Variants in LYPD6 observed in about 807,000 individuals in gnomAD.
The protein encoded by LYPD6 is ly6/PLAUR domain-containing protein 6.
Under a neutral mutation model 22.7 loss-of-function variants are expected in LYPD6, and 15 were observed. The ratio of observed to expected loss-of-function variants is 0.66; its 90% CI spans 0.44 to 1.02. The LOEUF (loss-of-function observed/expected upper bound fraction) is 1.02. Among genes scored for constraint, LYPD6 ranks in the 50% least tolerant of loss-of-function variants. LYPD6 has a pLI of 0.00. For missense variants in LYPD6, 189 were observed against 208.4 expected (o/e 0.91, Z 0.57); for synonymous variants, 72 against 77.5 (o/e 0.93, Z 0.37).
intron 3 of LYPD6, among the ~76,000 whole-genome samples, chr2:149,457,266 G>T (rs1489253696): frequency 1.3e-5 from 2 of 151,396 alleles, no homozygotes; most frequent in African/African-American, 4.9e-5. Context: ...AAATTCAATG[G>T]AAGATATGTT....
intron 1 of LYPD6, among the ~76,000 whole-genome samples, chr2:149,379,798 A>G (rs760309503): frequency 2.0e-5 from 3 of 152,252 alleles, no homozygotes; most frequent in Admixed American, 1.3e-4. Context: ...ACTAAGTGCC[A>G]GGCATCTTCC....
At chr2:149,460,673 C>G (rs1388430230) in intron 3 of LYPD6, among the ~76,000 whole-genome samples, 2 of 152,090 alleles carry the variant, frequency 1.3e-5, no homozygotes, top group African/African-American at 4.8e-5. Flanking sequence ...TCCAGCAACA[C>G]CAGAATATAC....
chr2:149,357,059 G>A (rs879445742), intron 1 of LYPD6, among the ~76,000 whole-genome samples: 2 of 152,128 alleles, frequency 1.3e-5, no homozygotes, highest in Admixed American at 6.5e-5. Context: ...CAAGTTAATG[G>A]TGCTAACTCA....
rs188786624 is a variant in LYPD6 at position 149,412,155 on chromosome 2, G to A, written c.-71-25483G>A. Among the ~76,000 whole-genome samples the A allele has an allele frequency of 5.3e-5, 8 of 152,204 alleles. No individual in the cohort carries two copies. In the East Asian group the frequency reaches 1.5e-3, roughly 29 times the overall value. On this transcript the variant is annotated intron_variant, in intron 1 of 4. Transcript: ENST00000334166. ...TAAAGAGTATATACATTTAAAAAAT[G>A]AATAGGTACTGCCTAGTAACTTTCC... is the stretch of plus-strand genomic sequence containing the variant.
At chr2:149,421,651 T>C (rs910327732) in intron 1 of LYPD6, among the ~76,000 whole-genome samples, 5 of 152,172 alleles carry the variant, frequency 3.3e-5, no homozygotes, top group Non-Finnish European at 5.9e-5. Flanking sequence ...GTTGCTGTTA[T>C]TTTCCATGTA....
intron 1 of LYPD6, among the ~76,000 whole-genome samples, chr2:149,371,073 C>T (rs1252643933): frequency 2.0e-5 from 3 of 152,182 alleles, no homozygotes; most frequent in Non-Finnish European, 2.9e-5. Flanking sequence ...GAGGCTGACT[C>T]TTTTTATAAG....
chr2:149,467,838 A>G (rs953737519), intron 3 of LYPD6, among the ~76,000 whole-genome samples: 3 of 152,008 alleles, frequency 2.0e-5, no homozygotes, highest in Non-Finnish European at 4.4e-5. Context: ...TGACAAAGCC[A>G]TTTTTCTTTA....
intron 1 of LYPD6, among the ~76,000 whole-genome samples, chr2:149,373,733 A>G (rs1681860839): frequency 6.6e-6 from 1 of 152,206 alleles, no homozygotes; most frequent in Non-Finnish European, 1.5e-5. Context: ...GCCACACGGT[A>G]GTGAAACAAA....
intron 2 of LYPD6, among the ~76,000 whole-genome samples, chr2:149,441,115 C>T (rs1253999325): frequency 6.6e-6 from 1 of 152,044 alleles, no homozygotes; most frequent in Non-Finnish European, 1.5e-5. Context: ...GGTTCTATGT[C>T]CTTGAGCACT....
At chr2:149,360,901 C>G (rs1427428862) in intron 1 of LYPD6, among the ~76,000 whole-genome samples, 1 of 152,132 alleles carries the variant, frequency 6.6e-6, no homozygotes, top group African/African-American at 2.4e-5. Context: ...CCTAATTTTT[C>G]AATGTACTTT....
chr2:149,478,377 G>GGTGTGTGTGTGTGTGTGTGTGT (rs55853638), downstream of LYPD6, among the ~76,000 whole-genome samples: 6 of 99,274 alleles, frequency 6.0e-5, no homozygotes, highest in African/African-American at 1.8e-4. Context: ...GGTATATAGA[G>GGTGTGTGTGTGTGTGTGTGTGT]GTGTGTGTGT....
intron 1 of LYPD6, among the ~76,000 whole-genome samples, chr2:149,372,545 A>G (rs775115744): frequency 7.2e-5 from 11 of 152,184 alleles, no homozygotes; most frequent in Non-Finnish European, 1.2e-4. Flanking sequence ...TTAACAAACT[A>G]TTTTGGGAAT....
At chr2:149,412,940 A>G (rs1056631547) in intron 1 of LYPD6, among the ~76,000 whole-genome samples, 1 of 152,156 alleles carries the variant, frequency 6.6e-6, no homozygotes, top group African/African-American at 2.4e-5. Flanking sequence ...TTGAGCCTAG[A>G]AGCCCAGAGC....
chr2:149,334,017 G>A (rs1447417225), intron 1 of LYPD6, among the ~76,000 whole-genome samples: 2 of 151,980 alleles, frequency 1.3e-5, no homozygotes, highest in African/African-American at 2.4e-5. Flanking sequence ...GGAAGCATAC[G>A]AATTACCTTA....
chr2:149,478,246 C>T (rs139880661), downstream of LYPD6, among the ~76,000 whole-genome samples: 3 of 152,162 alleles, frequency 2.0e-5, no homozygotes, highest in African/African-American at 4.8e-5. Flanking sequence ...CCAAGGCAGC[C>T]TACTAGGAAT....
intron 1 of LYPD6, among the ~76,000 whole-genome samples, chr2:149,356,340 G>A (rs1038191427): frequency 3.9e-5 from 6 of 152,146 alleles, no homozygotes; most frequent in African/African-American, 1.4e-4. Flanking sequence ...GGACCACATT[G>A]TACAAAGTTG....
In LYPD6 at chr2:149,374,668, C is replaced by T. The variant is rs146584451; in HGVS notation, c.-72+43946C>T. Reference sequence around the variant, plus strand: ...GCATTTAGGAGGTTCTCCTGAGAATCGGAAAGTCCAGTCTATAGTAAGTTT... The same window carrying T: ...GCATTTAGGAGGTTCTCCTGAGAATTGGAAAGTCCAGTCTATAGTAAGTTT... On this transcript the variant is annotated intron_variant, in intron 1 of 4. Coordinates refer to ENST00000334166, the MANE Select transcript of LYPD6 (RefSeq NM_194317.5). Among the ~76,000 whole-genome samples, 127 of 152,236 alleles carry T rather than the reference C, an allele frequency of 8.3e-4. 1 individual carries two copies. In the East Asian group the frequency reaches 0.018, roughly 21 times the overall value.
intron 1 of LYPD6, among the ~76,000 whole-genome samples, chr2:149,413,630 T>TTA (rs1470192605): frequency 6.6e-6 from 1 of 152,218 alleles, no homozygotes; most frequent in African/African-American, 2.4e-5. Flanking sequence ...CCCTGGGGAC[T>TTA]TACCTATTGA....
intron 1 of LYPD6, among the ~76,000 whole-genome samples, chr2:149,420,263 C>T (rs1683050214): frequency 6.6e-6 from 1 of 152,178 alleles, no homozygotes; most frequent in Admixed American, 6.5e-5. Context: ...TTTTATTGCT[C>T]AAGTTCACCC....
Sources: allele counts gnomAD v4.1 joint callset (sites outside exome capture counted in the v4.1 genomes callset), GRCh38; gene constraint gnomAD v4.1.1; transcripts MANE v1.5; gene names NCBI Gene and HGNC (gene_info 2026-07-23, HGNC 2026-07-21).